The following SLC39A11 variants were observed in gnomAD, a reference collection of about 807,000 sequenced individuals.
SLC39A11 encodes the protein solute carrier family 39 member 11.
Under a neutral mutation model 36.1 loss-of-function variants are expected in SLC39A11, and 33 were observed. The observed-to-expected ratio is 0.91, with a 90% CI of 0.69 to 1.22. The LOEUF is 1.22. Among genes scored for constraint, SLC39A11 ranks in the 50% most tolerant of loss-of-function variants. The pLI is 0.00. For missense variants in SLC39A11, 432 were observed against 430.3 expected (o/e 1.00, Z -0.03); for synonymous variants, 166 against 170.3 (o/e 0.97, Z 0.20).
At chr17:73,052,151 T>C (rs1348187954) in intron 3 of SLC39A11, among the ~76,000 whole-genome samples, 2 of 148,198 alleles carry the variant, frequency 1.3e-5, no homozygotes, top group African/African-American at 5.0e-5. Context: ...CCCCCCAGTG[T>C]TGCTGACAGA....
chr17:72,825,233 G>C (rs2077968359), intron 6 of SLC39A11, among the ~76,000 whole-genome samples: 2 of 152,204 alleles, frequency 1.3e-5, no homozygotes. Flanking sequence ...CCAGTTCCAG[G>C]TATGGCTAAA....
intron 1 of SLC39A11, chr17:73,089,619 G>A (rs1371312245): frequency 6.6e-6 from 1 of 152,356 alleles, no homozygotes; most frequent in Non-Finnish European, 1.5e-5. Flanking sequence ...GTTGCTTGAG[G>A]ACGGGGACGG....
intron 6 of SLC39A11, among the ~76,000 whole-genome samples, chr17:72,828,940 A>G (rs1449157770): frequency 6.6e-6 from 1 of 152,200 alleles, no homozygotes; most frequent in Non-Finnish European, 1.5e-5. Context: ...AAAGACATTT[A>G]TATTTTTCTT....
intron 7 of SLC39A11, among the ~76,000 whole-genome samples, chr17:72,651,546 G>A (rs1432328945): frequency 2.0e-5 from 3 of 152,184 alleles, no homozygotes; most frequent in Non-Finnish European, 2.9e-5. Flanking sequence ...TAACAGAAGT[G>A]ATGGAGAATA....
At chr17:73,077,802 A>G (rs1417557700) in intron 3 of SLC39A11, among the ~76,000 whole-genome samples, 2 of 152,150 alleles carry the variant, frequency 1.3e-5, no homozygotes, top group Non-Finnish European at 2.9e-5. Context: ...TACATCTTAA[A>G]TGTTCATGTT....
At chr17:72,770,659 G>A (rs2075901581) in intron 6 of SLC39A11, among the ~76,000 whole-genome samples, 1 of 152,118 alleles carries the variant, frequency 6.6e-6, no homozygotes, top group Non-Finnish European at 1.5e-5. Context: ...TCCCTTCTTG[G>A]AATCTGCTTC....
intron 5 of SLC39A11, among the ~76,000 whole-genome samples, chr17:72,929,854 G>A (rs1321776493): frequency 1.3e-5 from 2 of 152,120 alleles, no homozygotes; most frequent in Non-Finnish European, 2.9e-5. Flanking sequence ...AGGGCACATC[G>A]CTGTGTTAAA....
Position 72,750,231 on chromosome 17 carries a change from A to T in SLC39A11, c.602-13512T>A, listed in dbSNP as rs564473416. Among the ~76,000 whole-genome samples, 20 of 152,246 alleles carry T rather than the reference A, an allele frequency of 1.3e-4. No individual in the cohort carries two copies. The South Asian group carries it at 3.7e-3, about 28-fold the overall frequency. ...ACTGATCCCTGCTATTCCTCCCCCA[A>T]GTTCACATGAAGAGGTCGTGCAGTC... is the stretch of plus-strand genomic sequence containing the variant. On this transcript the variant is annotated intron_variant, in intron 6 of 9. Transcript: ENST00000255559.
intron 6 of SLC39A11, among the ~76,000 whole-genome samples, chr17:72,789,904 C>T (rs546927919): frequency 2.0e-4 from 30 of 152,200 alleles, no homozygotes; most frequent in African/African-American, 6.7e-4. Flanking sequence ...GTCTGGCAAA[C>T]GTGGAGATGC....
chr17:72,885,752 C>T (rs144223071), intron 5 of SLC39A11, among the ~76,000 whole-genome samples: 1 of 152,188 alleles, frequency 6.6e-6, no homozygotes, highest in African/African-American at 2.4e-5. Context: ...ACACTTCCCC[C>T]CTCATCAAGC....
intron 5 of SLC39A11, among the ~76,000 whole-genome samples, chr17:72,891,425 T>G (rs1176645042): frequency 6.6e-6 from 1 of 151,988 alleles, no homozygotes; most frequent in Admixed American, 6.6e-5. Context: ...ACAGAGAAAA[T>G]AAAGACTTGG....
chr17:72,684,634 C>T (rs531280396), intron 7 of SLC39A11, among the ~76,000 whole-genome samples: 12 of 152,322 alleles, frequency 7.9e-5, no homozygotes, highest in Admixed American at 1.3e-4. Context: ...TGGTTTATCG[C>T]GGCCACCACT....
chr17:72,669,721 C>T lies in SLC39A11; in HGVS notation c.672-20453G>A, dbSNP rs184450715. Among the ~76,000 whole-genome samples, 86 of 152,074 alleles carry T rather than the reference C, an allele frequency of 5.7e-4. 1 individual carries two copies. In the East Asian group the frequency reaches 0.012, roughly 22 times the overall value. ...CCAATATGCCAATATCAGCCAGGTG[C>T]GGTGGCTTAAGCCTGTAATCCTAAT... On this transcript the variant is annotated intron_variant, in intron 7 of 9. Coordinates refer to ENST00000255559, the MANE Select transcript of SLC39A11 (RefSeq NM_139177.4).
At chr17:72,749,161 T>G (rs2075055123) in intron 6 of SLC39A11, among the ~76,000 whole-genome samples, 2 of 152,164 alleles carry the variant, frequency 1.3e-5, no homozygotes, top group South Asian at 4.1e-4. Context: ...AACTCAAGAT[T>G]CCCTCTGCTT....
chr17:72,689,954 A>G (rs924610898), intron 7 of SLC39A11, among the ~76,000 whole-genome samples: 10 of 152,298 alleles, frequency 6.6e-5, no homozygotes, highest in African/African-American at 2.2e-4. Flanking sequence ...AAAATTTCCA[A>G]AGTGGGGGAT....
At chr17:73,000,326 A>C (rs1422588931) in intron 4 of SLC39A11, among the ~76,000 whole-genome samples, 20 of 120,572 alleles carry the variant, frequency 1.7e-4, no homozygotes, top group South Asian at 1.1e-3. Context: ...CTCTCCTCTC[A>C]TCTCTCTTCT....
chr17:72,847,946 C>T (rs1379152779), intron 6 of SLC39A11, among the ~76,000 whole-genome samples: 3 of 152,282 alleles, frequency 2.0e-5, no homozygotes, highest in African/African-American at 7.2e-5. Flanking sequence ...ATGTATCACC[C>T]AAGGATGCTC....
intron 5 of SLC39A11, among the ~76,000 whole-genome samples, chr17:72,897,052 C>CAAAAAAAAAAAAAAAAAAA (rs10656675): frequency 1.6e-5 from 1 of 64,164 alleles, no homozygotes; most frequent in Non-Finnish European, 2.6e-5. Context: ...GACTCTGTCT[C>CAAAAAAAAAAAAAAAAAAA]AAAAAAAAAA....
intron 4 of SLC39A11, among the ~76,000 whole-genome samples, chr17:72,981,080 G>A (rs927254775): frequency 8.6e-5 from 13 of 151,710 alleles, no homozygotes; most frequent in African/African-American, 3.1e-4. Context: ...TTTCTGGTAG[G>A]CACAATCACC....
Sources: gnomAD v4.1 joint callset for allele counts (sites outside exome capture counted in the v4.1 genomes callset) on GRCh38, gnomAD v4.1.1 for gene constraint, MANE v1.5 for transcripts, NCBI Gene and HGNC (gene_info 2026-07-23, HGNC 2026-07-21) for gene names.